The following AMOTL2 variants were observed in gnomAD, a reference collection of about 807,000 sequenced individuals.
The protein encoded by AMOTL2 is angiomotin-like protein 2.
A neutral mutation model predicts 78.4 loss-of-function variants in AMOTL2; 33 were observed. That is an observed-to-expected ratio of 0.42 (90% CI 0.32 to 0.56). AMOTL2 has a LOEUF of 0.56. AMOTL2 is among the 20% of genes least tolerant of loss of function. The pLI is 0.12. For synonymous variants in AMOTL2, 422 were observed against 428.8 expected, an observed-to-expected ratio of 0.98 and a Z score of 0.20; for missense variants, 983 against 1,030.1, an observed-to-expected ratio of 0.95 and a Z score of 0.63.
At chr3:134,359,636 C>T in intron 7 of AMOTL2, 133 bp from the exon 8 acceptor site, 1 of 718,062 alleles carries the variant, frequency 1.4e-6, no homozygotes, top group South Asian at 1.9e-5. Flanking sequence ...TCCTTCTGTG[C>T]TTGTAGCAGG....
rs953909575 is a variant in AMOTL2, at chr3:134,357,291, G to A, written c.*414C>T. 4.7e-6 allele frequency: 1 copy of A among 211,188 alleles called. No individual in the cohort carries two copies. Among genetic ancestry groups the A allele is most frequent in the Non-Finnish European group, 9.7e-6 (1 of 102,742 alleles). The allele number at this position is 211,188 out of a possible 1,614,324, so 13.1% of individuals were successfully genotyped here. On this transcript the variant is annotated 3_prime_UTR_variant, in exon 10 of 10. Transcript: ENST00000249883. ...ACTTGATTAGTGAACCAGTCCACCT[G>A]GTGTCCACGGGCAGCCGTCCGTGGA... is the stretch of plus-strand genomic sequence containing the variant.
intron 2 of AMOTL2, among the ~76,000 whole-genome samples, chr3:134,368,336 C>G (rs1057151196): frequency 4.6e-5 from 7 of 152,190 alleles, no homozygotes; most frequent in African/African-American, 1.7e-4. Context: ...ACTGCCAAAG[C>G]AGCACTCATT....
Position 134,360,154 on chromosome 3 carries a change from T to C in AMOTL2, c.1835A>G (p.Asn612Ser), listed in dbSNP as rs371941299. Reference sequence around the variant, plus strand: ...GTGGCCACCAGTGAGCAGACCCTCATTGAAGCTGCTGCTGGGTGAGGGCTG... The same window carrying C: ...GTGGCCACCAGTGAGCAGACCCTCACTGAAGCTGCTGCTGGGTGAGGGCTG... ...SPQPSPSSSF[N>S]EGLLTGGHRH... The change falls in exon 7 of 10, where the codon AAT becomes AGT. Residue 612 changes from asparagine to serine, a missense_variant. Transcript: ENST00000249883. The C allele has an allele frequency of 2.2e-5, 36 of 1,613,682 alleles. No individual in the cohort carries two copies. The highest frequency in any genetic ancestry group is 1.5e-4 in the African/African-American group (11 of 74,934).
Position 134,358,628 on chromosome 3 carries a change from C to G in AMOTL2, c.2196G>C (p.Glu732Asp), listed in dbSNP as rs1353776. Residue 732 changes from glutamate to aspartate, a missense_variant, in exon 9 of 10, where the codon GAG (glutamate) becomes GAC (aspartate). Glu to Asp is a conservative substitution (Grantham distance 45). Transcript: ENST00000249883. ...HGSRDGSTQT[E>D]GPPDSTSTCL... ...AGGTGGAGGTGCTGTCTGGGGGGCC[C>G]TCAGTCTGGGTGCTCCCATCTCTGC... is the stretch of plus-strand genomic sequence containing the variant. 0.68 allele frequency: 1,089,878 copies of G among 1,613,904 alleles called. 372,803 individuals are homozygous for G. Among genetic ancestry groups the G allele is most frequent in the East Asian group, 0.93 (41,923 of 44,860 alleles).
chr3:134,369,476 A>G (rs1356067209), intron 2 of AMOTL2, among the ~76,000 whole-genome samples: 1 of 152,194 alleles, frequency 6.6e-6, no homozygotes, highest in Non-Finnish European at 1.5e-5. Flanking sequence ...ACAGGGTTCA[A>G]TAAGGCTGGT....
intron 5 of AMOTL2, among the ~76,000 whole-genome samples, chr3:134,362,145 C>A (rs1248268084): frequency 6.6e-6 from 1 of 152,194 alleles, no homozygotes; most frequent in African/African-American, 2.4e-5. Flanking sequence ...ATCCCTTGAA[C>A]CTTGTGACGG....
intron 9 of AMOTL2, 94 bp from the exon 10 acceptor site, chr3:134,357,857 A>C: frequency 7.3e-7 from 1 of 1,378,274 alleles, no homozygotes; most frequent in Non-Finnish European, 1.0e-6. Context: ...ATCGTTCTTC[A>C]CCAACTTTTC....
At chr3:134,363,621 C>T (rs1019356706) in intron 5 of AMOTL2, among the ~76,000 whole-genome samples, 2 of 152,208 alleles carry the variant, frequency 1.3e-5, no homozygotes, top group Non-Finnish European at 2.9e-5. Context: ...CCCCAGGGGG[C>T]ACTGCTGGCC....
chr3:134,366,534 C>A, intron 3 of AMOTL2, 107 bp from the exon 4 acceptor site: 2 of 1,168,540 alleles, frequency 1.7e-6, no homozygotes, highest in Non-Finnish European at 2.4e-6. Flanking sequence ...GAGAGGCCAC[C>A]AAACAGGAGC....
intron 1 of AMOTL2, chr3:134,373,472 C>T (rs1325546861): frequency 1.0e-6 from 1 of 985,566 alleles, no homozygotes; most frequent in South Asian, 4.7e-5. Flanking sequence ...CATCAAACGC[C>T]TGGGCCTTTA....
chr3:134,362,108 G>T (rs988462258), intron 5 of AMOTL2, among the ~76,000 whole-genome samples: 4 of 152,116 alleles, frequency 2.6e-5, no homozygotes, highest in Non-Finnish European at 5.9e-5. Flanking sequence ...TGTGCCAGGG[G>T]CACCATGTCT....
intron 7 of AMOTL2, 97 bp from the exon 8 acceptor site, chr3:134,359,600 A>C (rs1576573807): frequency 1.5e-5 from 14 of 911,834 alleles, no homozygotes; most frequent in South Asian, 3.4e-5. Flanking sequence ...AGCCCCCCCC[A>C]ACTCCCCCAA....
Position 134,358,568 on chromosome 3 carries a change from G to C in AMOTL2, c.2256C>G (p.Cys752Trp). ...GAGAGGCTGCTCTCTGGCTACTGCT[G>C]CACCCCAGAAGGCTGTCAGGCTCCG... Reference protein sequence around the residue: ...LPPEPDSLLGCSSSQRAASLD... With the variant: ...LPPEPDSLLGWSSSQRAASLD... The change falls in exon 9 of 10, where the codon TGC becomes TGG. Residue 752 changes from cysteine (C) to tryptophan (W), a missense_variant. Coordinates refer to ENST00000249883, the MANE Select transcript of AMOTL2 (RefSeq NM_016201.4). The C allele has an allele frequency of 6.2e-7, 1 of 1,614,018 alleles. No homozygotes were observed. Among genetic ancestry groups the C allele is most frequent in the South Asian group, 1.1e-5 (1 of 91,058 alleles).
intron 5 of AMOTL2, among the ~76,000 whole-genome samples, chr3:134,362,771 G>A (rs897387575): frequency 6.6e-6 from 1 of 152,236 alleles, no homozygotes; most frequent in Admixed American, 6.5e-5. Context: ...TGATGTTCTA[G>A]CCTTAAATCC....
upstream of AMOTL2, chr3:134,375,091 A>G (rs58195039): frequency 2.3e-3 from 3,447 of 1,489,822 alleles, 78 homozygotes; most frequent in African/African-American, 0.042. Flanking sequence ...CTTTGAATGC[A>G]CTTTTGTTTA....
rs547949613 is a variant in AMOTL2 at position 134,360,352 on chromosome 3, A to C, written c.1637T>G (p.Leu546Arg). ...CTCTCGCAGTTGTTCTGACAGTCGCAGGGCGCTGAGCTCTGGAGACCCACC... is the reference window on the plus strand; with the variant it reads ...CTCTCGCAGTTGTTCTGACAGTCGCCGGGCGCTGAGCTCTGGAGACCCACC... ...GSGGSPELSALRLSEQLREKE... is the reference protein window; with the variant it reads ...GSGGSPELSARRLSEQLREKE... Residue 546 changes from leucine (L) to arginine (R), a missense_variant, in exon 7 of 10, where the codon CTG becomes CGG. By Grantham distance (102) the Leu-to-Arg change is moderately radical. Coordinates refer to ENST00000249883, the MANE Select transcript of AMOTL2 (RefSeq NM_016201.4). 1.2e-6 allele frequency: 2 copies of C among 1,613,994 alleles called. No homozygotes were observed. Among genetic ancestry groups the C allele is most frequent in the Non-Finnish European group, 1.7e-6 (2 of 1,180,050 alleles).
chr3:134,368,739 C>T (rs562224451), intron 2 of AMOTL2, among the ~76,000 whole-genome samples: 26 of 152,280 alleles, frequency 1.7e-4, no homozygotes, highest in African/African-American at 6.0e-4. Flanking sequence ...GGCCCAAACT[C>T]TTGGTTTCCT....
At chr3:134,365,715 AC>A in intron 5 of AMOTL2, 101 bp downstream of exon 5, 1 of 1,054,972 alleles carries the variant, frequency 9.5e-7, no homozygotes, top group Non-Finnish European at 1.4e-6. Context: ...CTCCCAAAGT[AC>A]TACTTTGCAA....
intron 7 of AMOTL2, 65 bp from the exon 8 acceptor site, chr3:134,359,568 G>T: frequency 7.3e-7 from 1 of 1,371,586 alleles, no homozygotes; most frequent in Non-Finnish European, 1.0e-6. Context: ...CACCCTTCCT[G>T]CCTCATAGGA....
Sources: allele counts gnomAD v4.1 joint callset (sites outside exome capture counted in the v4.1 genomes callset), GRCh38; gene constraint gnomAD v4.1.1; transcripts MANE v1.5; gene names NCBI Gene and HGNC (gene_info 2026-07-23, HGNC 2026-07-21).